KLC2: variants seen among roughly 807,000 people sequenced by gnomAD.
The protein encoded by KLC2 is KLC 2.
In KLC2, 35 loss-of-function variants were observed where a neutral mutation model predicts 75.1. The ratio of observed to expected loss-of-function variants is 0.47; its 90% CI spans 0.36 to 0.62. The LOEUF is 0.62. Among genes scored for constraint, KLC2 ranks in the 20% least tolerant of loss-of-function variants. KLC2 has a pLI of 0.00. For synonymous variants in KLC2, 314 were observed against 336.7 expected, an observed-to-expected ratio of 0.93 and a Z score of 0.74; for missense variants, 611 against 833.2, an observed-to-expected ratio of 0.73 and a Z score of 3.28.
At chr11:66,259,359 T>A (rs1856231417) in intron 2 of KLC2, among the ~76,000 whole-genome samples, 1 of 152,122 alleles carries the variant, frequency 6.6e-6, no homozygotes, top group South Asian at 2.1e-4. Flanking sequence ...AGGACTTCTG[T>A]GAGGAAATGA....
intron 11 of KLC2, 40 bp from the exon 12 acceptor site, chr11:66,265,615 G>A (rs541771223): frequency 1.2e-5 from 19 of 1,543,488 alleles, no homozygotes; most frequent in African/African-American, 5.4e-5. Flanking sequence ...TGGGCCCTGG[G>A]TCTGGGGGAA....
rs1856672824 is a variant in KLC2, at chr11:66,264,463, G to A, written c.1216+19G>A. 7.1e-6 allele frequency: 11 copies of A among 1,542,900 alleles called. No individual in the cohort carries two copies. The highest frequency in any genetic ancestry group is 9.8e-6 in the Non-Finnish European group (11 of 1,117,540). On this transcript the variant is annotated intron_variant, in intron 9 of 15. Coordinates refer to ENST00000394067, the MANE Select transcript of KLC2 (RefSeq NM_001318734.2). ...GTCAATGGTGAGTGCGTGGTCACCA[G>A]GTGCCTCTAGCCCATCCATCCCAGG...
chr11:66,267,144 G>A lies in KLC2; in HGVS notation c.*188G>A. On this transcript the variant is annotated 3_prime_UTR_variant, in exon 16 of 16. Coordinates refer to ENST00000394067, the MANE Select transcript of KLC2 (RefSeq NM_001318734.2). ...CTGGAGGCTGGGCCTGCCCACTCCA[G>A]CTCCATCCCTTATTTATTCCTTCCA... 1 of 1,539,958 alleles carries A rather than the reference G, an allele frequency of 6.5e-7. No homozygotes were observed. Among genetic ancestry groups the A allele is most frequent in the East Asian group, 2.5e-5 (1 of 40,816 alleles).
chr11:66,263,077 T>C, intron 5 of KLC2, 41 bp downstream of exon 5: 1 of 1,480,320 alleles, frequency 6.8e-7, no homozygotes, highest in Non-Finnish European at 9.4e-7. Context: ...TCTGGAAGGC[T>C]CCAGCCCTGG....
At chr11:66,249,518 C>G in the KLC2 span, among the ~76,000 whole-genome samples, 2 of 152,222 alleles carry the variant, frequency 1.3e-5, no homozygotes, top group African/African-American at 4.8e-5. Flanking sequence ...CCGTCACCTA[C>G]AGGGCATTGC....
upstream of KLC2, among the ~76,000 whole-genome samples, chr11:66,256,277 T>C (rs571722321): frequency 1.4e-3 from 206 of 150,428 alleles, 1 homozygote; most frequent in Admixed American, 1.9e-3. Flanking sequence ...CATGCACTTG[T>C]AGTCCTAGCT....
chr11:66,245,952 T>C, the KLC2 span, among the ~76,000 whole-genome samples: 1 of 152,226 alleles, frequency 6.6e-6, no homozygotes, highest in Admixed American at 6.5e-5. Context: ...CCTACAGGTA[T>C]AGCCCCAGAG....
chr11:66,246,524 G>A, the KLC2 span, among the ~76,000 whole-genome samples: 1 of 151,982 alleles, frequency 6.6e-6, no homozygotes, highest in African/African-American at 2.4e-5. Context: ...TCCTACAGTC[G>A]CCCTCTCTCC....
At chr11:66,248,196 G>T in the KLC2 span, among the ~76,000 whole-genome samples, 5 of 152,284 alleles carry the variant, frequency 3.3e-5, no homozygotes, top group East Asian at 9.6e-4. Context: ...TAGATTTATG[G>T]AAAAGTTGCA....
Position 66,267,164 on chromosome 11 carries a change from C to T in KLC2, c.*208C>T, listed in dbSNP as rs1856892798. Reference sequence around the variant, plus strand: ...CTCCAGCTCCATCCCTTATTTATTCCTTCCAGCAGGGCCCTCTTCCCTAGG... The same window carrying T: ...CTCCAGCTCCATCCCTTATTTATTCTTTCCAGCAGGGCCCTCTTCCCTAGG... On this transcript the variant is annotated 3_prime_UTR_variant, in exon 16 of 16. Coordinates refer to ENST00000394067, the MANE Select transcript of KLC2 (RefSeq NM_001318734.2). 1 of 1,545,684 alleles carries T rather than the reference C, an allele frequency of 6.5e-7. No individual in the cohort carries two copies. Among genetic ancestry groups the T allele is most frequent in the Non-Finnish European group, 8.7e-7 (1 of 1,144,134 alleles).
chr11:66,262,011 G>A lies in KLC2; in HGVS notation c.459+39G>A, dbSNP rs376235107. 13 of 1,598,518 alleles carry A rather than the reference G, an allele frequency of 8.1e-6. No homozygotes were observed. The Middle Eastern group carries it at 5.0e-4, about 61-fold the overall frequency. On this transcript the variant is annotated intron_variant, in intron 3 of 15. Coordinates refer to ENST00000394067, the MANE Select transcript of KLC2 (RefSeq NM_001318734.2). Reference sequence around the variant, plus strand: ...ATGGTCACTGTTGCCCAGCAAGGAGGCCTGGGAGCAGGGAGGGGCAGCATG... The same window carrying A: ...ATGGTCACTGTTGCCCAGCAAGGAGACCTGGGAGCAGGGAGGGGCAGCATG...
At chr11:66,266,609 C>T in intron 15 of KLC2, 119 bp downstream of exon 15, 2 of 1,146,006 alleles carry the variant, frequency 1.7e-6, no homozygotes, top group South Asian at 2.5e-5. Context: ...TGTCTCAGGC[C>T]TACTTTGGGC....
intron 2 of KLC2, among the ~76,000 whole-genome samples, chr11:66,259,265 G>T (rs1203407074): frequency 1.3e-5 from 2 of 152,224 alleles, no homozygotes; most frequent in African/African-American, 2.4e-5. Flanking sequence ...ATAATTGGTT[G>T]TTACAAATTG....
chr11:66,264,585 C>T (rs1337798127), intron 9 of KLC2, 141 bp downstream of exon 9: 1 of 689,894 alleles, frequency 1.4e-6, no homozygotes, highest in African/African-American at 1.8e-5. Flanking sequence ...AGATGGTGCC[C>T]AGCCACCTGT....
the KLC2 span, chr11:66,244,228 T>C: frequency 6.6e-6 from 1 of 152,308 alleles, no homozygotes. Flanking sequence ...CCTCAGACAT[T>C]CTGTTTCATC....
intron 12 of KLC2, 29 bp from the exon 13 acceptor site, chr11:66,265,825 A>AC: frequency 1.9e-6 from 3 of 1,592,138 alleles, no homozygotes; most frequent in South Asian, 2.3e-5. Flanking sequence ...TGGTCCATTC[A>AC]CTGCCTGATG....
In KLC2 at chr11:66,266,206, CCCT is replaced by C; in HGVS notation, c.1717_1719del (p.Pro573del). On this transcript the variant is annotated inframe_deletion, in exon 14 of 16. Transcript: ENST00000394067. ...TGCAGGGGGGCACCCCCCAGGAGCC[CCCT>C]AACCCCAGGTGAGCCCCCCACCAAG... 6.2e-7 allele frequency: 1 copy of C among 1,606,212 alleles called. No individual in the cohort carries two copies. Among genetic ancestry groups the C allele is most frequent in the Non-Finnish European group, 8.5e-7 (1 of 1,176,520 alleles).
intron 13 of KLC2, 26 bp downstream of exon 13, chr11:66,266,038 G>A (rs377525267): frequency 7.4e-6 from 12 of 1,613,480 alleles, no homozygotes; most frequent in East Asian, 6.7e-5. Context: ...GGGCCGGGTC[G>A]GGCTGGGAGC....
rs1233390516 is a variant in KLC2, at chr11:66,267,613, G to T, written c.*657G>T. 3.3e-6 allele frequency: 2 copies of T among 598,026 alleles called. No individual in the cohort carries two copies. The highest frequency in any genetic ancestry group is 6.0e-6 in the Non-Finnish European group (2 of 334,072). The allele number at this position is 598,026 out of a possible 1,614,324, so 37.0% of individuals were successfully genotyped here. On this transcript the variant is annotated 3_prime_UTR_variant, in exon 16 of 16. Coordinates refer to ENST00000394067, the MANE Select transcript of KLC2 (RefSeq NM_001318734.2). ...CCTCCCCTTAGTCCGTCCTCCCACC[G>T]CCGGGCCCTGCCCCGCATCCCGGCC...
Sources: allele counts gnomAD v4.1 joint callset (sites outside exome capture counted in the v4.1 genomes callset), GRCh38; gene constraint gnomAD v4.1.1; transcripts MANE v1.5; gene names NCBI Gene and HGNC (gene_info 2026-07-23, HGNC 2026-07-21).